GALNTL6: variants seen among roughly 807,000 people sequenced by gnomAD.
GALNTL6 encodes the protein polypeptide N-acetylgalactosaminyltransferase-like 6.
In GALNTL6, 46 loss-of-function variants were observed where a neutral mutation model predicts 73.7. The ratio of observed to expected loss-of-function variants is 0.62; its 90% CI spans 0.49 to 0.80. The LOEUF is 0.80. Among genes scored for constraint, GALNTL6 ranks in the 30% least tolerant of loss-of-function variants. The probability of loss-of-function intolerance (pLI) is 0.00; values close to 1 mark genes in which losing one functional copy is unlikely to be tolerated. For missense variants in GALNTL6, 604 were observed against 755.0 expected (o/e 0.80, Z 2.34); for synonymous variants, 259 against 263.7 (o/e 0.98, Z 0.17).
chr4:172,598,954 T>G (rs1340146619), intron 5 of GALNTL6, among the ~76,000 whole-genome samples: 1 of 152,126 alleles, frequency 6.6e-6, no homozygotes, highest in East Asian at 1.9e-4. Context: ...TCCAGGAAAA[T>G]GTATCATAGT....
At chr4:172,232,828 A>G (rs1737114745) in intron 3 of GALNTL6, among the ~76,000 whole-genome samples, 1 of 152,114 alleles carries the variant, frequency 6.6e-6, no homozygotes, top group Non-Finnish European at 1.5e-5. Context: ...CTTTTTGGTA[A>G]AAGTCCTATT....
intron 5 of GALNTL6, among the ~76,000 whole-genome samples, chr4:172,534,186 A>G (rs1247783827): frequency 2.0e-5 from 3 of 152,274 alleles, no homozygotes; most frequent in African/African-American, 7.2e-5. Context: ...GGATTGTTAA[A>G]CACCAACTCC....
chr4:172,342,481 C>T (rs542112923), intron 4 of GALNTL6, among the ~76,000 whole-genome samples: 1 of 152,246 alleles, frequency 6.6e-6, no homozygotes, highest in African/African-American at 2.4e-5. Flanking sequence ...AGTACAATGC[C>T]TTTCCAATTA....
chr4:171,917,627 TG>T (rs1737667878), intron 2 of GALNTL6, among the ~76,000 whole-genome samples: 2 of 152,110 alleles, frequency 1.3e-5, no homozygotes, highest in Admixed American at 6.6e-5. Flanking sequence ...GCTTTCTATC[TG>T]GAGCAAACTC....
At chr4:172,298,631 G>T (rs1404301584) in intron 3 of GALNTL6, among the ~76,000 whole-genome samples, 1 of 152,134 alleles carries the variant, frequency 6.6e-6, no homozygotes, top group Non-Finnish European at 1.5e-5. Flanking sequence ...TAATCATATG[G>T]TTTTTGTCAT....
At chr4:171,940,294 T>A (rs1738489694) in intron 2 of GALNTL6, among the ~76,000 whole-genome samples, 1 of 151,668 alleles carries the variant, frequency 6.6e-6, no homozygotes, top group Non-Finnish European at 1.5e-5. Flanking sequence ...AAAGAGTGGG[T>A]GGAAATGGGG....
intron 5 of GALNTL6, among the ~76,000 whole-genome samples, chr4:172,755,718 G>T (rs1445437129): frequency 1.3e-5 from 2 of 152,146 alleles, no homozygotes; most frequent in African/African-American, 4.8e-5. Flanking sequence ...GTCAAATTTT[G>T]CAGGCTTTGG....
At chr4:172,160,216 A>G (rs1424312361) in intron 2 of GALNTL6, among the ~76,000 whole-genome samples, 1 of 151,904 alleles carries the variant, frequency 6.6e-6, no homozygotes, top group African/African-American at 2.4e-5. Context: ...TACTAGGTAT[A>G]TTAGAGTGAA....
intron 5 of GALNTL6, among the ~76,000 whole-genome samples, chr4:172,760,528 C>T (rs1305508267): frequency 2.6e-5 from 4 of 152,170 alleles, no homozygotes; most frequent in Non-Finnish European, 4.4e-5. Flanking sequence ...CTGTGATGAC[C>T]TCTTTTCTGC....
Position 172,139,644 on chromosome 4 carries a change from G to A in GALNTL6, c.139-90012G>A, listed in dbSNP as rs80030870. Among the ~76,000 whole-genome samples the A allele has an allele frequency of 4.0e-3, 605 of 152,256 alleles. 3 individuals are homozygous for A. Among genetic ancestry groups the A allele is most frequent in the African/African-American group, 0.013 (559 of 41,564 alleles). On this transcript the variant is annotated intron_variant, in intron 2 of 12. Transcript: ENST00000506823. ...GAATGTTTTTGCTGAGAGTTGGGCC[G>A]TCTGTAGTACTTTCTTCCAACATAC...
intron 2 of GALNTL6, among the ~76,000 whole-genome samples, chr4:171,870,497 A>G (rs1480853366): frequency 6.6e-6 from 1 of 152,192 alleles, no homozygotes; most frequent in Admixed American, 6.5e-5. Flanking sequence ...CTCACAACTA[A>G]AACTAAATCT....
intron 2 of GALNTL6, among the ~76,000 whole-genome samples, chr4:171,820,444 G>C (rs933941994): frequency 2.0e-5 from 3 of 152,156 alleles, no homozygotes; most frequent in Admixed American, 2.0e-4. Context: ...TTTAGCAACA[G>C]ACATACACAG....
At chr4:172,821,321 A>G (rs988991219) in intron 7 of GALNTL6, among the ~76,000 whole-genome samples, 13 of 152,190 alleles carry the variant, frequency 8.5e-5, no homozygotes, top group Admixed American at 2.0e-4. Flanking sequence ...GCTTTAATCA[A>G]TGGTCTCATA....
At chr4:172,038,918 G>A (rs891911072) in intron 2 of GALNTL6, among the ~76,000 whole-genome samples, 1 of 152,154 alleles carries the variant, frequency 6.6e-6, no homozygotes, top group Non-Finnish European at 1.5e-5. Context: ...CTGTCCAAGA[G>A]AATCTAGATC....
At chr4:172,065,425 G>A (rs1057146582) in intron 2 of GALNTL6, among the ~76,000 whole-genome samples, 4 of 152,084 alleles carry the variant, frequency 2.6e-5, no homozygotes. Context: ...TCAGCCCAGG[G>A]GTTGGGGACC....
At chr4:172,399,866 G>A (rs1446409998) in intron 5 of GALNTL6, among the ~76,000 whole-genome samples, 1 of 151,950 alleles carries the variant, frequency 6.6e-6, no homozygotes, top group Non-Finnish European at 1.5e-5. Flanking sequence ...TTTACTATTT[G>A]TTAAGATAGT....
At chr4:172,345,279 G>C (rs1357991417) in intron 4 of GALNTL6, among the ~76,000 whole-genome samples, 2 of 151,960 alleles carry the variant, frequency 1.3e-5, no homozygotes, top group African/African-American at 2.4e-5. Context: ...GAAATAGTAA[G>C]GAGTTTATAA....
chr4:172,051,521 G>A (rs1286865753), intron 2 of GALNTL6, among the ~76,000 whole-genome samples: 102 of 152,098 alleles, frequency 6.7e-4, no homozygotes, highest in Non-Finnish European at 2.9e-4. Context: ...TTCCCCTGCA[G>A]TTTGGCCACC....
intron 2 of GALNTL6, among the ~76,000 whole-genome samples, chr4:172,127,251 C>T (rs1230588581): frequency 6.6e-6 from 1 of 152,238 alleles, no homozygotes; most frequent in African/African-American, 2.4e-5. Context: ...CCTAGCCTGG[C>T]TCTACCCCTC....
Sources: allele counts gnomAD v4.1 joint callset (sites outside exome capture counted in the v4.1 genomes callset), GRCh38; gene constraint gnomAD v4.1.1; transcripts MANE v1.5; gene names NCBI Gene and HGNC (gene_info 2026-07-23, HGNC 2026-07-21).